Variants in PRKN observed in about 807,000 individuals in gnomAD.
PRKN encodes the protein parkin RBR E3 ubiquitin protein ligase.
PRKN carries 56 observed loss-of-function variants against 59.5 expected under a neutral mutation model. The ratio of observed to expected loss-of-function variants is 0.94; its 90% confidence interval spans 0.76 to 1.18. PRKN has a LOEUF of 1.18. Ranked by LOEUF, PRKN falls within the 50% of genes most tolerant of loss-of-function variation. The pLI, the probability that PRKN is intolerant of heterozygous loss-of-function variation, is 0.00. For missense variants in PRKN, 657 were observed against 596.4 expected, an observed-to-expected ratio of 1.10 and a Z score of -1.06; for synonymous variants, 250 against 222.1, an observed-to-expected ratio of 1.13 and a Z score of -1.12.
chr6:162,531,821 ACTGT>A (rs950845731), intron 1 of PRKN, among the ~76,000 whole-genome samples: 12 of 151,826 alleles, frequency 7.9e-5, no homozygotes, highest in East Asian at 3.9e-4. Flanking sequence ...ATCTTGATAA[ACTGT>A]CTAAGTCATA....
chr6:162,384,751 T>C (rs1028054989), intron 2 of PRKN, among the ~76,000 whole-genome samples: 4 of 152,096 alleles, frequency 2.6e-5, no homozygotes, highest in African/African-American at 9.7e-5. Context: ...CAAATATTTA[T>C]TACACGCTGC....
chr6:162,210,445 A>C (rs935129681), intron 3 of PRKN, among the ~76,000 whole-genome samples: 2 of 152,170 alleles, frequency 1.3e-5, no homozygotes, highest in South Asian at 2.1e-4. Flanking sequence ...TTCAAGCTGT[A>C]GGCATTTACC....
At position 161,357,866 on chromosome 6, in the gene PRKN, C is replaced by A. The variant is rs1243044889; in HGVS notation, c.1285+2222G>T. 6.6e-6 allele frequency among the ~76,000 whole-genome samples: 1 copy of A among 152,218 alleles called. No homozygotes were observed. Reference sequence around the variant, plus strand: ...CGTGTTTGATGCACCGTCTCTGTTACTCCTCCTGCCCATGCTGTGAGGAAG... The same window carrying A: ...CGTGTTTGATGCACCGTCTCTGTTAATCCTCCTGCCCATGCTGTGAGGAAG... On this transcript the variant is annotated intron_variant, in intron 11 of 11. Coordinates refer to ENST00000366898, the MANE Select transcript of PRKN (RefSeq NM_004562.3). The surrounding 1 kb of genome is among the most constrained non-coding windows in gnomAD (Gnocchi z 5.5).
chr6:162,224,029 C>A (rs1320395007), intron 3 of PRKN, among the ~76,000 whole-genome samples: 3 of 152,066 alleles, frequency 2.0e-5, no homozygotes, highest in Admixed American at 6.6e-5. Context: ...TGCCTTCCAC[C>A]ACCACAATAA....
intron 4 of PRKN, among the ~76,000 whole-genome samples, chr6:162,115,510 A>G (rs1343693565): frequency 6.6e-6 from 1 of 151,532 alleles, no homozygotes; most frequent in African/African-American, 2.4e-5. Flanking sequence ...ATAAATAAAT[A>G]CATTAAAATA....
chr6:162,297,143 T>C lies in PRKN; in HGVS notation c.172-34378A>G, dbSNP rs192428436. 2.9e-3 allele frequency among the ~76,000 whole-genome samples: 435 copies of C among 152,018 alleles called. 2 individuals carry two copies. The highest frequency in any genetic ancestry group is 0.01 in the African/African-American group (417 of 41,472). The stretch of plus-strand genomic sequence containing the variant: ...GTCAGTACAACAGGAACTGCTTAGC[T>C]CTGCTAATCAGATTCTAGAATTTTT... On this transcript the variant is annotated intron_variant, in intron 2 of 11. Coordinates refer to ENST00000366898, the MANE Select transcript of PRKN (RefSeq NM_004562.3).
Position 161,462,694 on chromosome 6 carries a change from G to A in PRKN, c.1084-75817C>T, listed in dbSNP as rs1790278486. 6.6e-6 allele frequency among the ~76,000 whole-genome samples: 1 copy of A among 152,134 alleles called. No individual in the cohort carries two copies. Among genetic ancestry groups the A allele is most frequent in the African/African-American group, 2.4e-5 (1 of 41,432 alleles). On this transcript the variant is annotated intron_variant, in intron 9 of 11. Coordinates refer to ENST00000366898, the MANE Select transcript of PRKN (RefSeq NM_004562.3). This position sits in a 1 kb window ranked among gnomAD's most constrained non-coding sequence, Gnocchi z 4.5. ...AGGTTAACTTGCTGAAAAATAAGCT[G>A]AATTCGTTGGGAATTGCTGCTAAAA...
intron 6 of PRKN, among the ~76,000 whole-genome samples, chr6:161,961,212 C>T (rs536552796): frequency 1.3e-5 from 2 of 152,194 alleles, no homozygotes; most frequent in African/African-American, 4.8e-5. Context: ...TGTTCCGGCT[C>T]AGAGAAGGAA....
intron 9 of PRKN, among the ~76,000 whole-genome samples, chr6:161,522,715 C>T (rs898185441): frequency 3.3e-5 from 5 of 152,310 alleles, no homozygotes; most frequent in Non-Finnish European, 2.9e-5. Flanking sequence ...AAATGTAATG[C>T]AAAGATGACA....
chr6:161,437,418 T>C (rs997691082), intron 9 of PRKN, among the ~76,000 whole-genome samples: 1 of 152,116 alleles, frequency 6.6e-6, no homozygotes, highest in African/African-American at 2.4e-5. Flanking sequence ...ACTTAGGAAG[T>C]GTTGAGCTGG....
At chr6:161,745,567 C>T (rs761406653) in intron 7 of PRKN, among the ~76,000 whole-genome samples, 15 of 152,162 alleles carry the variant, frequency 9.9e-5, no homozygotes, top group African/African-American at 3.4e-4. Context: ...GCTGTTGGAA[C>T]GTGAATATCT....
At chr6:161,751,520 C>G (rs1441318785) in intron 7 of PRKN, among the ~76,000 whole-genome samples, 2 of 152,120 alleles carry the variant, frequency 1.3e-5, no homozygotes, top group Non-Finnish European at 2.9e-5. Context: ...TATGTTGATG[C>G]CTTTAAAAGT....
chr6:161,452,741 T>C (rs1048561480), intron 9 of PRKN, among the ~76,000 whole-genome samples: 4 of 152,128 alleles, frequency 2.6e-5, no homozygotes, highest in Admixed American at 1.3e-4. Context: ...GGGTGCTGAC[T>C]AGATTCTTCA....
chr6:162,558,235 A>C (rs1025289759), intron 1 of PRKN, among the ~76,000 whole-genome samples: 1 of 152,164 alleles, frequency 6.6e-6, no homozygotes, highest in South Asian at 2.1e-4. Flanking sequence ...AGTGGCATTC[A>C]TGTTATAGCC....
rs111820881 is a variant in PRKN at position 161,371,820 on chromosome 6, G to T, written c.1168-11615C>A. On this transcript the variant is annotated intron_variant, in intron 10 of 11. Coordinates refer to ENST00000366898, the MANE Select transcript of PRKN (RefSeq NM_004562.3). This position sits in a 1 kb window ranked among gnomAD's most constrained non-coding sequence, Gnocchi z 5.5. ...CACCTCGCTAATTTTTGTATTTTTAGTAGAGATGGGATTTCATCACTTTGG... is the reference window on the plus strand; with the variant it reads ...CACCTCGCTAATTTTTGTATTTTTATTAGAGATGGGATTTCATCACTTTGG... 6.6e-6 allele frequency among the ~76,000 whole-genome samples: 1 copy of T among 151,980 alleles called. No individual in the cohort carries two copies. Among genetic ancestry groups the T allele is most frequent in the Non-Finnish European group, 1.5e-5 (1 of 67,992 alleles).
At chr6:162,402,192 T>C (rs1284140890) in intron 2 of PRKN, among the ~76,000 whole-genome samples, 1 of 149,938 alleles carries the variant, frequency 6.7e-6, no homozygotes, top group Admixed American at 6.7e-5. Context: ...GAGGTTGCAG[T>C]GAGCTGAGAT....
chr6:162,111,541 T>C (rs1234624174), intron 4 of PRKN, among the ~76,000 whole-genome samples: 1 of 152,124 alleles, frequency 6.6e-6, no homozygotes. Context: ...CACACTCACA[T>C]ACATACACAC....
chr6:162,210,132 T>TAAAATAAAATAAAATA (rs1282133436), intron 3 of PRKN, among the ~76,000 whole-genome samples: 5 of 151,940 alleles, frequency 3.3e-5, no homozygotes, highest in African/African-American at 4.8e-5. Flanking sequence ...TAAAATAAAA[T>TAAAATAAAATAAAATA]AAAGAGGCAG....
rs1054527594 is a variant in PRKN at position 162,186,651 on chromosome 6, T to G, written c.534+14480A>C. On this transcript the variant is annotated intron_variant, in intron 4 of 11. Coordinates refer to ENST00000366898, the MANE Select transcript of PRKN (RefSeq NM_004562.3). ...GGAGGTGGGGCATGGTGGGAGGTGG[T>G]TGGATCCTGGGAGCAGTTTCTCATG... 1.8e-4 allele frequency among the ~76,000 whole-genome samples: 28 copies of G among 152,204 alleles called. 1 individual carries two copies. The highest frequency in any genetic ancestry group is 5.9e-5 in the Non-Finnish European group (4 of 68,032).
Sources: gnomAD v4.1 joint callset for allele counts (sites outside exome capture counted in the v4.1 genomes callset) on GRCh38, gnomAD v4.1.1 for gene constraint, Gnocchi (gnomAD v3.1) non-coding constraint, MANE v1.5 for transcripts, NCBI Gene and HGNC (gene_info 2026-07-23, HGNC 2026-07-21) for gene names.